ADAMTS13: variants seen among roughly 807,000 people sequenced by gnomAD.
ADAMTS13 encodes the protein A disintegrin and metalloproteinase with thrombospondin motifs 13.
In ADAMTS13, 110 loss-of-function variants were observed where a neutral mutation model predicts 155.1. The ratio of observed to expected loss-of-function variants is 0.71; its 90% CI spans 0.61 to 0.83. ADAMTS13 has a LOEUF of 0.83. Among genes scored for constraint, ADAMTS13 ranks in the 40% least tolerant of loss-of-function variants. The probability of loss-of-function intolerance (pLI) is 0.00; values close to 1 mark genes in which losing one functional copy is unlikely to be tolerated. For synonymous variants in ADAMTS13, 758 were observed against 756.4 expected (o/e 1.00, Z -0.03); for missense variants, 1,707 against 1,891.7 (o/e 0.90, Z 1.81).
intron 1 of ADAMTS13, among the ~76,000 whole-genome samples, chr9:133,416,320 A>G (rs1839598225): frequency 6.6e-6 from 1 of 152,190 alleles, no homozygotes. Flanking sequence ...CCATGACCCA[A>G]TACCTCCTAT....
chr9:133,427,447 A>G (rs1840357918), intron 6 of ADAMTS13, among the ~76,000 whole-genome samples: 2 of 152,150 alleles, frequency 1.3e-5, no homozygotes, highest in African/African-American at 4.8e-5. Flanking sequence ...TTGCCCACCA[A>G]CCCCCACCCG....
intron 19 of ADAMTS13, 32 bp downstream of exon 19, chr9:133,443,593 G>A: frequency 6.6e-7 from 1 of 1,516,392 alleles, no homozygotes; most frequent in South Asian, 1.2e-5. Flanking sequence ...GCTGGGAGAG[G>A]GCCTTCCTGG....
chr9:133,414,570 A>T, exon 1 of ADAMTS13: 2 of 1,047,136 alleles, frequency 1.9e-6, no homozygotes, highest in Non-Finnish European at 3.0e-6. Flanking sequence ...AAAGTGATGG[A>T]GAGACTGCGG....
Position 133,430,074 on chromosome 9 carries a change from C to A in ADAMTS13, c.960C>A (p.Val320=). 2 of 1,594,192 alleles carry A rather than the reference C, an allele frequency of 1.3e-6. No individual in the cohort carries two copies. The highest frequency in any genetic ancestry group is 1.7e-6 in the Non-Finnish European group (2 of 1,176,012). ...GCGTGGCCTTCGGCCCCAAGGCTGT[C>A]GCCTGCACCTTCGCCAGGGAGCACC... ...QCRVAFGPKA[V]ACTFAREHLD... The change falls in exon 8 of 29, where the codon GTC becomes GTA. Residue 320 remains valine (V), a synonymous_variant. Coordinates refer to ENST00000355699, the MANE Select transcript of ADAMTS13 (RefSeq NM_139027.6).
intron 1 of ADAMTS13, chr9:133,415,036 C>T: frequency 6.4e-7 from 1 of 1,554,078 alleles, no homozygotes; most frequent in East Asian, 2.2e-5. Context: ...AAAATACATG[C>T]TGCATTTGAA....
intron 23 of ADAMTS13, among the ~76,000 whole-genome samples, chr9:133,452,780 G>C (rs942950472): frequency 4.5e-4 from 68 of 152,136 alleles, no homozygotes; most frequent in Non-Finnish European, 1.9e-4. Context: ...GAGTAGCTGG[G>C]ATGCAGGCAC....
upstream of ADAMTS13, chr9:133,417,948 C>T (rs915378771): frequency 1.8e-6 from 2 of 1,089,906 alleles, no homozygotes; most frequent in African/African-American, 1.6e-5. Context: ...GGCCGAAACA[C>T]ACCCACCGCA....
chr9:133,427,461 C>G (rs782391612), intron 6 of ADAMTS13, among the ~76,000 whole-genome samples: 2 of 152,212 alleles, frequency 1.3e-5, no homozygotes, highest in Non-Finnish European at 2.9e-5. Context: ...CCACCCGACC[C>G]CTTTCAACCC....
Position 133,440,658 on chromosome 9 carries a change from T to A in ADAMTS13, c.1968+133T>A. The A allele has an allele frequency of 8.8e-7, 1 of 1,133,494 alleles. No homozygotes were observed. The highest frequency in any genetic ancestry group is 1.2e-6 in the Non-Finnish European group (1 of 817,642). The allele number at this position is 1,133,494 out of a possible 1,614,324, so 70.2% of individuals were successfully genotyped here. A position where few individuals can be genotyped will look rare whatever the true frequency, so the allele number is the denominator to read the frequency against. On this transcript the variant is annotated intron_variant, in intron 16 of 28. Transcript: ENST00000355699. The surrounding 1 kb of genome is among the most constrained non-coding windows in gnomAD (Gnocchi z 4.3). Reference sequence around the variant, plus strand: ...CAGCGGTCACTTACAGGGGACCCACTATGTGTTGGGCCCTGTGCTAGGCAA... The same window carrying A: ...CAGCGGTCACTTACAGGGGACCCACAATGTGTTGGGCCCTGTGCTAGGCAA...
chr9:133,428,285 A>C (rs1046293822), intron 6 of ADAMTS13, among the ~76,000 whole-genome samples: 3 of 152,280 alleles, frequency 2.0e-5, no homozygotes, highest in African/African-American at 7.2e-5. Context: ...TCCCCAGAGC[A>C]GCCCTTCAAG....
At chr9:133,443,769 C>A (rs587636745) in intron 19 of ADAMTS13, among the ~76,000 whole-genome samples, 3 of 152,292 alleles carry the variant, frequency 2.0e-5, no homozygotes, top group African/African-American at 7.2e-5. Context: ...CATTGTTTCC[C>A]TCTCTGAGCT....
chr9:133,450,751 A>G (rs1842388599), intron 23 of ADAMTS13, among the ~76,000 whole-genome samples: 1 of 152,166 alleles, frequency 6.6e-6, no homozygotes. Flanking sequence ...CTCCGTCTCA[A>G]AAACAAAACA....
At chr9:133,448,001 T>C (rs627892) in intron 21 of ADAMTS13, among the ~76,000 whole-genome samples, 18,837 of 151,416 alleles carry the variant, frequency 0.12, 1,279 homozygotes, top group Middle Eastern at 0.2. Flanking sequence ...TTTCTTTTTT[T>C]TTTTTTTGAG....
intron 8 of ADAMTS13, among the ~76,000 whole-genome samples, chr9:133,430,855 T>A (rs1840706327): frequency 6.6e-6 from 1 of 151,944 alleles, no homozygotes. Flanking sequence ...AGAGACGGGG[T>A]TTCACTGTGT....
upstream of ADAMTS13, among the ~76,000 whole-genome samples, chr9:133,419,087 G>A (rs1224769260): frequency 6.6e-6 from 1 of 152,096 alleles, no homozygotes; most frequent in Non-Finnish European, 1.5e-5. Flanking sequence ...TGATCCATCC[G>A]CCTCGGCCTC....
At position 133,457,901 on chromosome 9, in the gene ADAMTS13, C is replaced by T. The variant is rs782429169; in HGVS notation, c.3725-9C>T. 1 of 1,613,800 alleles carries T rather than the reference C, an allele frequency of 6.2e-7. No homozygotes were observed. Among genetic ancestry groups the T allele is most frequent in the South Asian group, 1.1e-5 (1 of 91,088 alleles). ...TCTGGGTTCCTATGTCCCTATGTCC[C>T]ACCTGCAGAATGTGACATGCAGCTC... is the stretch of plus-strand genomic sequence containing the variant. On this transcript the variant is annotated splice_polypyrimidine_tract_variant and intron_variant, in intron 27 of 28. Transcript: ENST00000355699.
intron 23 of ADAMTS13, among the ~76,000 whole-genome samples, chr9:133,450,356 G>T (rs1293621518): frequency 2.6e-5 from 4 of 152,006 alleles, no homozygotes; most frequent in Admixed American, 6.6e-5. Flanking sequence ...ATCACCTGAG[G>T]TTGGGAGTTC....
In ADAMTS13 at chr9:133,425,996, G is replaced by C; in HGVS notation, c.473G>C (p.Ser158Thr). 1 of 1,614,010 alleles carries C rather than the reference G, an allele frequency of 6.2e-7. No homozygotes were observed. The highest frequency in any genetic ancestry group is 2.2e-5 in the East Asian group (1 of 44,868). Reference protein sequence around the residue: ...TSSLLSVCGWSQTINPEDDTD... With the variant: ...TSSLLSVCGWTQTINPEDDTD... ...TCCCTGCTGAGCGTCTGTGGGTGGA[G>C]CCAGACCATCAACCCTGAGGACGAC... is the stretch of plus-strand genomic sequence containing the variant. The change falls in exon 5 of 29, where the codon AGC (serine) becomes ACC (threonine). Residue 158 changes from serine (S) to threonine (T), a missense_variant. Around this residue, in one of 3 missense-constraint regions of ADAMTS13, gnomAD observed 733 missense variants for 749.6 expected, o/e 0.98. Transcript: ENST00000355699. This position sits in a 1 kb window ranked among gnomAD's most constrained non-coding sequence, Gnocchi z 4.6.
At chr9:133,429,581 C>T (rs1474840619) in intron 7 of ADAMTS13, 2 of 339,116 alleles carry the variant, frequency 5.9e-6, no homozygotes, top group African/African-American at 5.0e-5. Flanking sequence ...CGTCCACTCT[C>T]CACGCTCCAT....
Sources: allele counts gnomAD v4.1 joint callset (sites outside exome capture counted in the v4.1 genomes callset), GRCh38; gene constraint gnomAD v4.1.1; regional missense constraint gnomAD v4.1.1; non-coding constraint Gnocchi (gnomAD v3.1); transcripts MANE v1.5; gene names NCBI Gene and HGNC (gene_info 2026-07-23, HGNC 2026-07-21).